PPM1H: variants seen among roughly 807,000 people sequenced by gnomAD.
The protein encoded by PPM1H is protein phosphatase 1H.
A neutral mutation model predicts 54.9 loss-of-function variants in PPM1H; 27 were observed. The observed-to-expected ratio is 0.49, with a 90% confidence interval of 0.36 to 0.68. The LOEUF (loss-of-function observed/expected upper bound fraction) is 0.68. PPM1H is among the 30% of genes least tolerant of loss of function. The pLI, the probability that PPM1H is intolerant of heterozygous loss-of-function variation, is 0.00. For synonymous variants in PPM1H, 305 were observed against 270.8 expected (o/e 1.13, Z -1.24); for missense variants, 596 against 667.8 (o/e 0.89, Z 1.19).
chr12:62,655,533 G>A (rs189733972), intron 9 of PPM1H, among the ~76,000 whole-genome samples: 68 of 152,252 alleles, frequency 4.5e-4, no homozygotes, highest in African/African-American at 1.5e-3. Flanking sequence ...TGAACACAAG[G>A]GCATTTAGGT....
intron 4 of PPM1H, among the ~76,000 whole-genome samples, chr12:62,777,443 G>T (rs1265708948): frequency 6.6e-6 from 1 of 152,176 alleles, no homozygotes; most frequent in Non-Finnish European, 1.5e-5. Context: ...CTGGCTCATG[G>T]AAGGCATAAA....
At chr12:62,755,268 G>A (rs1407601446) in intron 4 of PPM1H, 6 of 758,114 alleles carry the variant, frequency 7.9e-6, no homozygotes, top group African/African-American at 1.7e-5. Flanking sequence ...GTTGTATTGG[G>A]TGCCTAGTCA....
At chr12:62,804,472 G>T (rs530709500) in intron 2 of PPM1H, among the ~76,000 whole-genome samples, 19 of 151,908 alleles carry the variant, frequency 1.3e-4, no homozygotes, top group Admixed American at 2.0e-4. Context: ...TGTCTTTCTA[G>T]ATCTGTGGAC....
intron 9 of PPM1H, among the ~76,000 whole-genome samples, chr12:62,664,849 C>T (rs962964719): frequency 6.6e-6 from 1 of 152,122 alleles, no homozygotes; most frequent in African/African-American, 2.4e-5. Context: ...TTACTTCATC[C>T]TTGTTATTGA....
At chr12:62,853,785 TC>T (rs1210376325) in intron 1 of PPM1H, among the ~76,000 whole-genome samples, 1 of 152,208 alleles carries the variant, frequency 6.6e-6, no homozygotes, top group African/African-American at 2.4e-5. Flanking sequence ...GGGAGCCTAC[TC>T]CTTTCTATTG....
intron 2 of PPM1H, among the ~76,000 whole-genome samples, 155 bp downstream of exon 2, chr12:62,831,959 G>T (rs1199947276): frequency 6.6e-6 from 1 of 151,810 alleles, no homozygotes; most frequent in Non-Finnish European, 1.5e-5. Flanking sequence ...TGGTATGTGT[G>T]ATGTCGTGAC....
chr12:62,834,698 G>C (rs1868448827), intron 1 of PPM1H, among the ~76,000 whole-genome samples: 1 of 152,172 alleles, frequency 6.6e-6, no homozygotes, highest in East Asian at 1.9e-4. Flanking sequence ...ATGCTATCCA[G>C]GCCAAGTCAC....
Position 62,737,589 on chromosome 12 carries a change from G to A in PPM1H, c.870-3C>T. Reference sequence around the variant, plus strand: ...CTCCATTTCTGATGATTATGGCCCTGAAATGGTGAAAATGCATTGTCAGTA... The same window carrying A: ...CTCCATTTCTGATGATTATGGCCCTAAAATGGTGAAAATGCATTGTCAGTA... On this transcript the variant is annotated splice_region_variant and splice_polypyrimidine_tract_variant and intron_variant, in intron 4 of 9. Coordinates refer to ENST00000228705, the MANE Select transcript of PPM1H (RefSeq NM_020700.2). 1 of 1,549,752 alleles carries A rather than the reference G, an allele frequency of 6.5e-7. No homozygotes were observed. Among genetic ancestry groups the A allele is most frequent in the Non-Finnish European group, 8.8e-7 (1 of 1,140,016 alleles).
chr12:62,762,083 T>C (rs779170822), intron 4 of PPM1H, among the ~76,000 whole-genome samples: 9 of 152,216 alleles, frequency 5.9e-5, no homozygotes, highest in Non-Finnish European at 1.2e-4. Flanking sequence ...TGGGAGTCCC[T>C]GTTTTAGAGA....
chr12:62,763,123 A>G (rs1296370063), intron 4 of PPM1H, among the ~76,000 whole-genome samples: 6 of 152,190 alleles, frequency 3.9e-5, no homozygotes, highest in African/African-American at 1.4e-4. Flanking sequence ...CTGGCTCCCA[A>G]TATGTGCTAC....
At chr12:62,654,255 C>CAGG (rs1447085669) in intron 9 of PPM1H, among the ~76,000 whole-genome samples, 1 of 137,364 alleles carries the variant, frequency 7.3e-6, no homozygotes, top group Non-Finnish European at 1.5e-5. Context: ...ACACCTGAAG[C>CAGG]AGGTGATCAG....
intron 2 of PPM1H, among the ~76,000 whole-genome samples, chr12:62,804,676 CTTTTTTT>C (rs759291510): frequency 8.6e-6 from 1 of 116,194 alleles, no homozygotes; most frequent in Non-Finnish European, 1.8e-5. Context: ...CTTTTTTTTT[CTTTTTTT>C]TTTTTTTTTT....
chr12:62,647,180 C>T lies in PPM1H; in HGVS notation c.*1309G>A, dbSNP rs1030002592. 1.3e-5 allele frequency: 2 copies of T among 152,238 alleles called. No individual in the cohort carries two copies. Among genetic ancestry groups the T allele is most frequent in the East Asian group, 1.9e-4 (1 of 5,196 alleles). 9.4% of individuals were successfully genotyped at this position (152,238 alleles called of 1,614,324 possible). ...ATGCACTGTGCCTGCTGCTGCTGCT[C>T]TTGTGGCGAACACTCAGATGTGGAA... On this transcript the variant is annotated 3_prime_UTR_variant, in exon 10 of 10. Coordinates refer to ENST00000228705, the MANE Select transcript of PPM1H (RefSeq NM_020700.2).
chr12:62,820,195 G>A (rs2076894273), intron 2 of PPM1H, among the ~76,000 whole-genome samples: 3 of 152,240 alleles, frequency 2.0e-5, no homozygotes, highest in Non-Finnish European at 4.4e-5. Context: ...CAGCCTAGTA[G>A]GGGGAGAGGC....
At chr12:62,710,806 T>A (rs2076203142) in intron 6 of PPM1H, among the ~76,000 whole-genome samples, 1 of 152,196 alleles carries the variant, frequency 6.6e-6, no homozygotes, top group South Asian at 2.1e-4. Context: ...TCTCATTACC[T>A]TGCAGAGGCA....
chr12:62,852,523 A>T (rs1328053199), intron 1 of PPM1H, among the ~76,000 whole-genome samples: 4 of 152,222 alleles, frequency 2.6e-5, no homozygotes, highest in African/African-American at 9.6e-5. Flanking sequence ...ACAGCAGCCC[A>T]GACTAAGAAA....
intron 2 of PPM1H, among the ~76,000 whole-genome samples, chr12:62,823,735 G>A (rs192968874): frequency 2.6e-5 from 4 of 152,068 alleles, no homozygotes; most frequent in African/African-American, 9.7e-5. Flanking sequence ...ACCAGGTATC[G>A]ATGTAACTTA....
At chr12:62,848,349 C>T (rs1369173109) in intron 1 of PPM1H, among the ~76,000 whole-genome samples, 1 of 152,158 alleles carries the variant, frequency 6.6e-6, no homozygotes, top group African/African-American at 2.4e-5. Flanking sequence ...AACACCAAAT[C>T]ACCGTTAGAT....
intron 6 of PPM1H, among the ~76,000 whole-genome samples, chr12:62,713,326 A>T (rs558717363): frequency 6.6e-6 from 1 of 152,328 alleles, no homozygotes; most frequent in Non-Finnish European, 1.5e-5. Context: ...AAGGAAAAGC[A>T]AGAGGGACAA....
Sources: gnomAD v4.1 joint callset for allele counts (sites outside exome capture counted in the v4.1 genomes callset) on GRCh38, gnomAD v4.1.1 for gene constraint, MANE v1.5 for transcripts, NCBI Gene and HGNC (gene_info 2026-07-23, HGNC 2026-07-21) for gene names.